Variants in RBFOX1 observed in about 807,000 individuals in gnomAD.
The protein encoded by RBFOX1 is RNA binding protein fox-1 homolog 1.
In RBFOX1, 8 loss-of-function variants were observed where a neutral mutation model predicts 57.7. The ratio of observed to expected loss-of-function variants is 0.14; its 90% CI spans 0.08 to 0.25. The LOEUF is 0.25. Among genes scored for constraint, RBFOX1 ranks in the 10% least tolerant of loss-of-function variants. The pLI is 1.00. For missense variants in RBFOX1, 611 were observed against 548.5 expected (o/e 1.11, Z -1.14); for synonymous variants, 326 against 222.4 (o/e 1.47, Z -4.15).
At chr16:6,526,877 A>ATACTC (rs1192876798) in intron 2 of RBFOX1, among the ~76,000 whole-genome samples, 3 of 150,424 alleles carry the variant, frequency 2.0e-5, no homozygotes, top group African/African-American at 4.9e-5. Flanking sequence ...AAAAACAGAA[A>ATACTC]TACTCTAAGA....
chr16:7,664,840 C>G (rs2068761009), intron 12 of RBFOX1, 89 bp from the exon 13 acceptor site: 1 of 1,607,620 alleles, frequency 6.2e-7, no homozygotes, highest in Admixed American at 1.7e-5. Context: ...ATCTTGTGAC[C>G]AGACTAACCT....
intron 3 of RBFOX1, among the ~76,000 whole-genome samples, chr16:5,644,941 G>A (rs879396313): frequency 2.6e-5 from 4 of 152,088 alleles, no homozygotes; most frequent in Non-Finnish European, 5.9e-5. Context: ...CCATGGCATG[G>A]ATGAACCTGG....
intron 2 of RBFOX1, among the ~76,000 whole-genome samples, chr16:6,413,979 T>G (rs1299489205): frequency 6.6e-6 from 1 of 152,130 alleles, no homozygotes; most frequent in African/African-American, 2.4e-5. Context: ...GAGCACATAT[T>G]CTATAGGTGC....
chr16:6,595,191 C>T (rs1286953284), intron 2 of RBFOX1, among the ~76,000 whole-genome samples: 1 of 152,138 alleles, frequency 6.6e-6, no homozygotes, highest in African/African-American at 2.4e-5. Flanking sequence ...CACGTTGTCC[C>T]CATTAGTACT....
chr16:6,567,060 C>T (rs1250530640), intron 2 of RBFOX1, among the ~76,000 whole-genome samples: 2 of 152,128 alleles, frequency 1.3e-5, no homozygotes, highest in African/African-American at 4.8e-5. Flanking sequence ...CAGACTCTTC[C>T]ATAACTGAGT....
chr16:7,420,749 T>G (rs1349191075), intron 4 of RBFOX1, among the ~76,000 whole-genome samples: 3 of 151,602 alleles, frequency 2.0e-5, no homozygotes, highest in Non-Finnish European at 4.4e-5. Flanking sequence ...ATCTAGAGCA[T>G]TTTTTTCTTT....
chr16:6,977,762 A>G (rs2087457741), intron 3 of RBFOX1, among the ~76,000 whole-genome samples: 1 of 152,028 alleles, frequency 6.6e-6, no homozygotes, highest in Admixed American at 6.5e-5. Context: ...CTCTGAAGAA[A>G]AGAAAGAAAA....
chr16:7,580,845 C>G (rs2093703956), intron 6 of RBFOX1, among the ~76,000 whole-genome samples: 1 of 152,136 alleles, frequency 6.6e-6, no homozygotes, highest in Non-Finnish European at 1.5e-5. Flanking sequence ...TAGCAGGTGC[C>G]TCTGGATTCA....
At chr16:5,678,777 G>A (rs2050243800) in intron 3 of RBFOX1, among the ~76,000 whole-genome samples, 1 of 151,998 alleles carries the variant, frequency 6.6e-6, no homozygotes, top group Non-Finnish European at 1.5e-5. Flanking sequence ...TGTGTGTAGA[G>A]TGGTGGCTGC....
rs1461967298 is a variant in RBFOX1, at chr16:7,207,306, T to C, written c.27+155208T>C. ...ATTCTGCTAGCTTCAGGTTGGTGAG[T>C]CATGCATGTTTCTGACCAGATGGAA... On this transcript the variant is annotated intron_variant, in intron 4 of 15. Coordinates refer to ENST00000550418, the MANE Select transcript of RBFOX1 (RefSeq NM_018723.4). Among the ~76,000 whole-genome samples the C allele has an allele frequency of 3.3e-5, 5 of 152,156 alleles. No individual in the cohort carries two copies. In the East Asian group the frequency reaches 9.6e-4, roughly 29 times the overall value.
chr16:6,908,385 C>T (rs1010887828), intron 3 of RBFOX1, among the ~76,000 whole-genome samples: 3 of 146,222 alleles, frequency 2.1e-5, no homozygotes, highest in Non-Finnish European at 4.7e-5. Flanking sequence ...TGTCTGTCTG[C>T]CTGCCTTCTC....
intron 3 of RBFOX1, among the ~76,000 whole-genome samples, chr16:5,766,325 G>A (rs8062032): frequency 0.14 from 21,056 of 152,048 alleles, 1,654 homozygotes; most frequent in African/African-American, 0.2. Flanking sequence ...GGTGGCTCAC[G>A]CCTGTAATCA....
At chr16:5,756,542 G>C (rs1039787228) in intron 3 of RBFOX1, among the ~76,000 whole-genome samples, 1 of 152,086 alleles carries the variant, frequency 6.6e-6, no homozygotes, top group Non-Finnish European at 1.5e-5. Flanking sequence ...CAATAATAAA[G>C]ATAAATTTGA....
At chr16:6,694,860 G>T (rs1339539874) in intron 3 of RBFOX1, among the ~76,000 whole-genome samples, 2 of 151,988 alleles carry the variant, frequency 1.3e-5, no homozygotes, top group African/African-American at 4.8e-5. Flanking sequence ...CAGCCCCGGA[G>T]CCCTGGGAAC....
intron 3 of RBFOX1, among the ~76,000 whole-genome samples, chr16:5,846,941 G>T (rs747960743): frequency 6.6e-6 from 1 of 152,110 alleles, no homozygotes; most frequent in Non-Finnish European, 1.5e-5. Context: ...AGTGCATTTG[G>T]GTCCAGGCTG....
At chr16:7,459,191 C>T (rs2059101319) in intron 4 of RBFOX1, among the ~76,000 whole-genome samples, 1 of 151,882 alleles carries the variant, frequency 6.6e-6, no homozygotes, top group Admixed American at 6.6e-5. Flanking sequence ...GATGGATGGG[C>T]AAAAGAAAGA....
At chr16:5,359,895 A>T (rs1325920270) in intron 1 of RBFOX1, among the ~76,000 whole-genome samples, 1 of 151,854 alleles carries the variant, frequency 6.6e-6, no homozygotes, top group Non-Finnish European at 1.5e-5. Context: ...CGTGATCTCT[A>T]TGGGACTTGC....
intron 2 of RBFOX1, among the ~76,000 whole-genome samples, chr16:6,469,361 C>G (rs1207761282): frequency 6.6e-6 from 1 of 152,124 alleles, no homozygotes; most frequent in Non-Finnish European, 1.5e-5. Flanking sequence ...TGGAAAGTCT[C>G]CAGTTGAAGC....
At chr16:5,486,097 G>A in intron 2 of RBFOX1, among the ~76,000 whole-genome samples, 1 of 152,090 alleles carries the variant, frequency 6.6e-6, no homozygotes, top group East Asian at 1.9e-4. Flanking sequence ...ACTTCTCTGA[G>A]AACTGCTTTA....
Sources: allele counts gnomAD v4.1 joint callset (sites outside exome capture counted in the v4.1 genomes callset), GRCh38; gene constraint gnomAD v4.1.1; transcripts MANE v1.5; gene names NCBI Gene and HGNC (gene_info 2026-07-23, HGNC 2026-07-21).